GALNT10: variants seen among roughly 807,000 people sequenced by gnomAD.
GALNT10 encodes polypeptide N-acetylgalactosaminyltransferase 10.
In GALNT10, 41 loss-of-function variants were observed where a neutral mutation model predicts 75.0. That is an observed-to-expected ratio of 0.55 (90% confidence interval 0.43 to 0.71). The LOEUF is 0.71. GALNT10 is among the 30% of genes least tolerant of loss of function. The pLI is 0.00. For missense variants in GALNT10, 727 were observed against 818.5 expected (o/e 0.89, Z 1.36); for synonymous variants, 302 against 313.0 (o/e 0.96, Z 0.37).
At chr5:154,351,818 G>A (rs1755207356) in intron 4 of GALNT10, among the ~76,000 whole-genome samples, 1 of 152,172 alleles carries the variant, frequency 6.6e-6, no homozygotes, top group Admixed American at 6.5e-5. Flanking sequence ...ACTTGCCTGA[G>A]GTTACACACC....
chr5:154,199,247 G>C (rs1774989504), intron 1 of GALNT10, among the ~76,000 whole-genome samples: 1 of 152,146 alleles, frequency 6.6e-6, no homozygotes, highest in Admixed American at 6.5e-5. Context: ...GGGCTGGTTT[G>C]GGCTTGGCCA....
chr5:154,271,163 T>G (rs1331569188), intron 1 of GALNT10, among the ~76,000 whole-genome samples: 1 of 151,992 alleles, frequency 6.6e-6, no homozygotes. Flanking sequence ...TGTATGTAGA[T>G]CTGGTGGTGC....
chr5:154,321,903 C>A (rs1307804743), intron 3 of GALNT10, among the ~76,000 whole-genome samples: 1 of 152,132 alleles, frequency 6.6e-6, no homozygotes, highest in East Asian at 1.9e-4. Flanking sequence ...TTAAGAAAAA[C>A]CAGAAATGAG....
At chr5:154,307,113 A>G (rs1754445859) in intron 3 of GALNT10, among the ~76,000 whole-genome samples, 1 of 152,276 alleles carries the variant, frequency 6.6e-6, no homozygotes, top group South Asian at 2.1e-4. Flanking sequence ...TATTCTGAAC[A>G]ACTTTGTGCC....
intron 1 of GALNT10, among the ~76,000 whole-genome samples, chr5:154,217,703 A>G (rs1752896026): frequency 6.6e-6 from 1 of 152,182 alleles, no homozygotes; most frequent in Admixed American, 6.5e-5. Context: ...TGCCCTCTCA[A>G]GCAGGTCAGC....
chr5:154,300,063 T>C (rs112095668), intron 3 of GALNT10, among the ~76,000 whole-genome samples: 3,442 of 152,254 alleles, frequency 0.023, 72 homozygotes, highest in East Asian at 0.068. Flanking sequence ...TTTGAACTCC[T>C]GGACTCAAGT....
chr5:154,244,156 G>T (rs1753385514), intron 1 of GALNT10, among the ~76,000 whole-genome samples: 1 of 152,228 alleles, frequency 6.6e-6, no homozygotes, highest in African/African-American at 2.4e-5. Context: ...CGGGAGCTTT[G>T]CCACTGCTGG....
chr5:154,269,270 A>G (rs1277928923), intron 1 of GALNT10, among the ~76,000 whole-genome samples: 1 of 152,168 alleles, frequency 6.6e-6, no homozygotes, highest in Non-Finnish European at 1.5e-5. Context: ...GCTAAAAAGT[A>G]TTAAGCTTAA....
chr5:154,369,258 C>T (rs1755526503), intron 4 of GALNT10, among the ~76,000 whole-genome samples: 1 of 152,100 alleles, frequency 6.6e-6, no homozygotes, highest in African/African-American at 2.4e-5. Context: ...CATGGTGATG[C>T]AGGTCTGTAA....
intron 7 of GALNT10, among the ~76,000 whole-genome samples, chr5:154,395,954 A>T (rs1180225561): frequency 6.6e-6 from 1 of 152,158 alleles, no homozygotes; most frequent in African/African-American, 2.4e-5. Flanking sequence ...GGTGCTTCCG[A>T]TGAGGCCCAA....
At chr5:154,350,959 G>C (rs1755196956) in intron 4 of GALNT10, among the ~76,000 whole-genome samples, 1 of 152,208 alleles carries the variant, frequency 6.6e-6, no homozygotes, top group Admixed American at 6.5e-5. Flanking sequence ...GATTCAGCAG[G>C]TCAAGTCTGG....
At chr5:154,354,678 G>T (rs550160748) in intron 4 of GALNT10, among the ~76,000 whole-genome samples, 5 of 152,038 alleles carry the variant, frequency 3.3e-5, no homozygotes, top group Non-Finnish European at 7.4e-5. Context: ...GCATTCGGGT[G>T]GGGGGGTATC....
At chr5:154,306,162 TGTCAACCA>T (rs1754429953) in intron 3 of GALNT10, among the ~76,000 whole-genome samples, 1 of 152,212 alleles carries the variant, frequency 6.6e-6, no homozygotes, top group Non-Finnish European at 1.5e-5. Flanking sequence ...CTCACAGCAC[TGTCAACCA>T]ATATGACCTA....
At position 154,386,161 on chromosome 5, in the gene GALNT10, C is replaced by T. The variant is rs375131829; in HGVS notation, c.939-152C>T. ...AGTTGTAGGAAAGAAAGGGGGATGC[C>T]TGGAAGGGCCTTGGATTCCCTGGAA... On this transcript the variant is annotated intron_variant, in intron 6 of 11. Transcript: ENST00000297107. 42 of 628,312 alleles carry T rather than the reference C, an allele frequency of 6.7e-5. No individual in the cohort carries two copies. The African/African-American group carries it at 7.1e-4, about 11-fold the overall frequency. The allele number at this position is 628,312 out of a possible 1,614,324, so 38.9% of individuals were successfully genotyped here. A position where few individuals can be genotyped will look rare whatever the true frequency, so the allele number is the denominator to read the frequency against.
Position 154,224,282 on chromosome 5 carries a change from C to A in GALNT10, c.159+33257C>A, listed in dbSNP as rs921792753. The stretch of plus-strand genomic sequence containing the variant: ...TTGGGGCCCCCAGCTAGGTCATTAG[C>A]CACAGAAATGGACAAGAAAGGATAA... On this transcript the variant is annotated intron_variant, in intron 1 of 11. Coordinates refer to ENST00000297107, the MANE Select transcript of GALNT10 (RefSeq NM_198321.4). Among the ~76,000 whole-genome samples the A allele has an allele frequency of 3.0e-4, 46 of 152,194 alleles. 1 individual carries two copies. The highest frequency in any genetic ancestry group is 1.5e-5 in the Non-Finnish European group (1 of 68,044).
intron 1 of GALNT10, among the ~76,000 whole-genome samples, chr5:154,271,977 T>G (rs1753872527): frequency 1.3e-5 from 2 of 152,250 alleles, no homozygotes; most frequent in Non-Finnish European, 2.9e-5. Flanking sequence ...GCCTTCCTTA[T>G]GAATAGCTCA....
At chr5:154,287,913 T>TGAGA (rs10617417) in intron 1 of GALNT10, among the ~76,000 whole-genome samples, 1 of 148,088 alleles carries the variant, frequency 6.8e-6, no homozygotes, top group Non-Finnish European at 1.5e-5. Flanking sequence ...TGTGTGTGTG[T>TGAGA]GAGAGAGAGA....
intron 1 of GALNT10, among the ~76,000 whole-genome samples, chr5:154,282,025 T>C (rs185224562): frequency 1.4e-3 from 216 of 152,274 alleles, no homozygotes; most frequent in Non-Finnish European, 2.5e-3. Flanking sequence ...AACTAGATAA[T>C]GTATAAAGAA....
At chr5:154,260,085 TTTG>T (rs1753680749) in intron 1 of GALNT10, among the ~76,000 whole-genome samples, 2 of 152,190 alleles carry the variant, frequency 1.3e-5, no homozygotes, top group African/African-American at 2.4e-5. Flanking sequence ...GGATGTTTTG[TTTG>T]TTTTTTGTTT....
Sources: gnomAD v4.1 joint callset for allele counts (sites outside exome capture counted in the v4.1 genomes callset) on GRCh38, gnomAD v4.1.1 for gene constraint, MANE v1.5 for transcripts, NCBI Gene and HGNC (gene_info 2026-07-23, HGNC 2026-07-21) for gene names.